Variants in PTPRD observed in about 807,000 individuals in gnomAD.
PTPRD encodes the protein receptor-type tyrosine-protein phosphatase delta.
A neutral mutation model predicts 214.5 loss-of-function variants in PTPRD; 34 were observed. The observed-to-expected ratio is 0.16, with a 90% CI of 0.12 to 0.21. PTPRD has a LOEUF of 0.21. Ranked by LOEUF, PTPRD falls within the 10% of genes least tolerant of loss-of-function variation. PTPRD has a pLI of 1.00. For synonymous variants in PTPRD, 1,128 were observed against 845.7 expected (o/e 1.33, Z -5.79); for missense variants, 2,545 against 2,398.7 (o/e 1.06, Z -1.27).
intron 10 of PTPRD, among the ~76,000 whole-genome samples, chr9:9,024,345 T>TTG (rs1201292353): frequency 2.1e-5 from 1 of 48,276 alleles, no homozygotes; most frequent in African/African-American, 5.7e-5. Flanking sequence ...TTTGTTTTTT[T>TTG]TTGTTTGTTT....
intron 5 of PTPRD, among the ~76,000 whole-genome samples, chr9:9,901,488 A>G (rs2076384632): frequency 6.6e-6 from 1 of 152,046 alleles, no homozygotes; most frequent in African/African-American, 2.4e-5. Flanking sequence ...GTAATTTCTG[A>G]TAAATAAAAT....
At chr9:10,013,836 G>C (rs1014178617) in intron 4 of PTPRD, among the ~76,000 whole-genome samples, 3 of 151,864 alleles carry the variant, frequency 2.0e-5, no homozygotes, top group African/African-American at 7.2e-5. Context: ...TCTAGAATTT[G>C]ATATTCTTGG....
chr9:8,813,093 G>A (rs895095796), intron 11 of PTPRD, among the ~76,000 whole-genome samples: 6 of 152,180 alleles, frequency 3.9e-5, no homozygotes, highest in African/African-American at 7.2e-5. Context: ...GGGCGCTATC[G>A]GTGGAAAAGT....
chr9:10,026,337 CAGAGA>C lies in PTPRD; in HGVS notation c.-472+7376_-472+7380del, dbSNP rs555302250. Among the ~76,000 whole-genome samples the C allele has an allele frequency of 6.2e-3, 950 of 152,210 alleles. 9 individuals carry two copies. The highest frequency in any genetic ancestry group is 0.021 in the African/African-American group (879 of 41,526). ...TAGCCTACAAATGGCACAAACTTGGCAGAGAAGAGAAGTCTCAACATTAAATAACC... is the reference window on the plus strand; with the variant it reads ...TAGCCTACAAATGGCACAAACTTGGCAGAGAAGTCTCAACATTAAATAACC... On this transcript the variant is annotated intron_variant, in intron 4 of 45. Transcript: ENST00000381196.
intron 10 of PTPRD, among the ~76,000 whole-genome samples, chr9:9,102,528 G>A (rs1472808242): frequency 1.3e-5 from 2 of 152,196 alleles, no homozygotes; most frequent in Admixed American, 6.5e-5. Context: ...TTTGCTCCAA[G>A]AGCCTAATCA....
chr9:9,566,236 G>C (rs974158953), intron 8 of PTPRD, among the ~76,000 whole-genome samples: 1 of 151,854 alleles, frequency 6.6e-6, no homozygotes, highest in Non-Finnish European at 1.5e-5. Flanking sequence ...CTACTTATAT[G>C]GATCTTTGAA....
chr9:10,169,391 G>A (rs933222893), intron 3 of PTPRD, among the ~76,000 whole-genome samples: 2 of 148,618 alleles, frequency 1.3e-5, no homozygotes, highest in Non-Finnish European at 3.0e-5. Flanking sequence ...GGAGAATGGC[G>A]TGAACCCCGG....
At chr9:10,404,250 G>C (rs1333030184) in intron 2 of PTPRD, among the ~76,000 whole-genome samples, 1 of 151,748 alleles carries the variant, frequency 6.6e-6, no homozygotes, top group Non-Finnish European at 1.5e-5. Context: ...GTGGAAGGTG[G>C]TTATAGATTT....
intron 3 of PTPRD, among the ~76,000 whole-genome samples, chr9:10,297,515 C>A (rs1182081514): frequency 1.3e-5 from 2 of 151,216 alleles, no homozygotes; most frequent in African/African-American, 4.9e-5. Context: ...AGTGAATTCC[C>A]AGGGTGAGCC....
intron 10 of PTPRD, among the ~76,000 whole-genome samples, chr9:9,143,601 C>T (rs1490931858): frequency 6.6e-6 from 1 of 152,200 alleles, no homozygotes; most frequent in African/African-American, 2.4e-5. Context: ...TTAACAGTCA[C>T]AGGAGATCAT....
chr9:9,463,571 T>C lies in PTPRD; in HGVS notation c.-236-66089A>G, dbSNP rs116460082. Among the ~76,000 whole-genome samples the C allele has an allele frequency of 8.2e-3, 1,251 of 152,232 alleles. 18 individuals carry two copies. Among genetic ancestry groups the C allele is most frequent in the African/African-American group, 0.029 (1,189 of 41,542 alleles). On this transcript the variant is annotated intron_variant, in intron 8 of 45. Coordinates refer to ENST00000381196, the MANE Select transcript of PTPRD (RefSeq NM_002839.4). ...TTTCCTATCACCTACTTCCTTTAAT[T>C]TCTAAGACTGAAAAAATACAATCCA...
chr9:8,658,945 G>A (rs938757461), intron 12 of PTPRD, among the ~76,000 whole-genome samples: 1 of 152,096 alleles, frequency 6.6e-6, no homozygotes, highest in African/African-American at 2.4e-5. Flanking sequence ...CAGCTTTAGT[G>A]CCAATTTTTA....
chr9:10,527,846 G>A (rs1359850224), intron 2 of PTPRD, among the ~76,000 whole-genome samples: 1 of 152,050 alleles, frequency 6.6e-6, no homozygotes, highest in Non-Finnish European at 1.5e-5. Context: ...CAAGATAATA[G>A]TTGCATATTC....
intron 3 of PTPRD, among the ~76,000 whole-genome samples, chr9:10,100,068 C>T (rs935537868): frequency 4.6e-5 from 7 of 151,490 alleles, no homozygotes; most frequent in Non-Finnish European, 1.0e-4. Context: ...TAATGAGTAA[C>T]ATTATTAACT....
intron 3 of PTPRD, among the ~76,000 whole-genome samples, chr9:10,224,365 C>A (rs1292584821): frequency 6.6e-6 from 1 of 151,848 alleles, no homozygotes; most frequent in East Asian, 1.9e-4. Flanking sequence ...ATTGTCTATT[C>A]TTTTCTTATT....
intron 14 of PTPRD, among the ~76,000 whole-genome samples, chr9:8,530,644 A>C (rs753189046): frequency 2.0e-5 from 3 of 152,106 alleles, no homozygotes; most frequent in Non-Finnish European, 4.4e-5. Flanking sequence ...ACTGATTCCT[A>C]AGCCTAAGTA....
chr9:10,462,939 CAG>C (rs1393135092), intron 2 of PTPRD, among the ~76,000 whole-genome samples: 4 of 149,630 alleles, frequency 2.7e-5, no homozygotes, highest in African/African-American at 7.3e-5. Context: ...AACAGTTTTC[CAG>C]AGAGTGTGTA....
chr9:8,880,441 C>T (rs1408682982), intron 11 of PTPRD, among the ~76,000 whole-genome samples: 2 of 152,102 alleles, frequency 1.3e-5, no homozygotes, highest in Non-Finnish European at 2.9e-5. Context: ...TGATGAAGCA[C>T]AGCATACGAT....
chr9:9,279,359 T>TAC (rs35082208), intron 9 of PTPRD, among the ~76,000 whole-genome samples: 2 of 147,444 alleles, frequency 1.4e-5, no homozygotes, highest in Non-Finnish European at 3.0e-5. Flanking sequence ...TATATATATA[T>TAC]CTAAATATAT....
Sources: gnomAD v4.1 joint callset for allele counts (sites outside exome capture counted in the v4.1 genomes callset) on GRCh38, gnomAD v4.1.1 for gene constraint, MANE v1.5 for transcripts, NCBI Gene and HGNC (gene_info 2026-07-23, HGNC 2026-07-21) for gene names.